Variants in B4GALNT3 observed in about 807,000 individuals in gnomAD.
The protein encoded by B4GALNT3 is beta-1,4-N-acetyl-galactosaminyltransferase 3, also known as beta-1,4-N-acetylgalactosaminyltransferase 3.
In B4GALNT3, 86 loss-of-function variants were observed where a neutral mutation model predicts 120.2. The observed-to-expected ratio is 0.72, with a 90% CI of 0.60 to 0.86. B4GALNT3 has a LOEUF of 0.86. B4GALNT3 is among the 40% of genes least tolerant of loss of function. B4GALNT3 has a pLI of 0.00. For synonymous variants in B4GALNT3, 518 were observed against 510.4 expected, an observed-to-expected ratio of 1.01 and a Z score of -0.20; for missense variants, 1,167 against 1,298.9, an observed-to-expected ratio of 0.90 and a Z score of 1.56.
chr12:516,204 G>A (rs1190508117), intron 1 of B4GALNT3, among the ~76,000 whole-genome samples: 1 of 152,196 alleles, frequency 6.6e-6, no homozygotes, highest in African/African-American at 2.4e-5. Flanking sequence ...TATGTGTGGG[G>A]AGAAGATAGA....
chr12:545,615 C>T, intron 6 of B4GALNT3, 146 bp downstream of exon 6: 1 of 799,758 alleles, frequency 1.3e-6, no homozygotes. Context: ...TCACCCCTAC[C>T]CCTCTACAAA....
intron 1 of B4GALNT3, among the ~76,000 whole-genome samples, chr12:506,107 ATT>A (rs11302946): frequency 2.4e-4 from 36 of 150,380 alleles, no homozygotes; most frequent in African/African-American, 4.6e-4. Flanking sequence ...TGCAGTTCAG[ATT>A]TTTTTTTTTT....
intron 1 of B4GALNT3, among the ~76,000 whole-genome samples, chr12:515,370 T>C (rs996850023): frequency 1.3e-5 from 2 of 151,870 alleles, no homozygotes; most frequent in Non-Finnish European, 2.9e-5. Context: ...ATTTTTTTTT[T>C]CGTATTTTAG....
At chr12:519,926 A>T (rs186979421) in intron 1 of B4GALNT3, among the ~76,000 whole-genome samples, 5 of 152,240 alleles carry the variant, frequency 3.3e-5, no homozygotes, top group African/African-American at 9.6e-5. Context: ...AGTCCCTTTC[A>T]TATTCTCAGC....
chr12:516,147 A>G (rs1159902706), intron 1 of B4GALNT3, among the ~76,000 whole-genome samples: 1 of 147,784 alleles, frequency 6.8e-6, no homozygotes, highest in African/African-American at 2.5e-5. Context: ...CTCCGTCTCA[A>G]AAAAAAAAAA....
intron 3 of B4GALNT3, among the ~76,000 whole-genome samples, chr12:540,027 G>GCCC (rs1946898721): frequency 1.3e-5 from 2 of 152,238 alleles, no homozygotes; most frequent in Admixed American, 6.5e-5. Context: ...TCCGGGGGAG[G>GCCC]CCCCACTGCC....
At chr12:504,388 T>C (rs758840041) in intron 1 of B4GALNT3, among the ~76,000 whole-genome samples, 5 of 150,336 alleles carry the variant, frequency 3.3e-5, no homozygotes, top group Non-Finnish European at 7.4e-5. Flanking sequence ...ACTAGTCCTC[T>C]CACCTCTATA....
intron 1 of B4GALNT3, among the ~76,000 whole-genome samples, chr12:461,440 G>A (rs967289597): frequency 6.6e-6 from 1 of 152,180 alleles, no homozygotes; most frequent in East Asian, 1.9e-4. Context: ...CTGTGGATGG[G>A]CCTAACAAAG....
intron 1 of B4GALNT3, among the ~76,000 whole-genome samples, chr12:495,370 TC>T (rs1946378606): frequency 6.6e-6 from 1 of 152,178 alleles, no homozygotes; most frequent in Admixed American, 6.6e-5. Context: ...TCGTTCTTTT[TC>T]CCCTTAGTCC....
intron 7 of B4GALNT3, 128 bp downstream of exon 7, chr12:546,841 C>A: frequency 2.3e-6 from 2 of 864,944 alleles, no homozygotes; most frequent in Non-Finnish European, 3.6e-6. Flanking sequence ...ACGCTCCCGG[C>A]AACCGGGTCT....
At chr12:492,449 CTCATGAAAGAAA>C (rs1364023128) in intron 1 of B4GALNT3, among the ~76,000 whole-genome samples, 1 of 152,176 alleles carries the variant, frequency 6.6e-6, no homozygotes, top group East Asian at 1.9e-4. Flanking sequence ...CTACAAAACT[CTCATGAAAGAAA>C]TCAAAGAACT....
chr12:491,507 T>C (rs1946339415), intron 1 of B4GALNT3, among the ~76,000 whole-genome samples: 1 of 151,888 alleles, frequency 6.6e-6, no homozygotes, highest in South Asian at 2.1e-4. Flanking sequence ...TTTTTGTATT[T>C]TTGTAGAGAC....
chr12:553,557 G>GGGGGCC lies in B4GALNT3; in HGVS notation c.1635_1640dup (p.Gly546_Pro547dup). 4 of 1,613,962 alleles carry GGGGGCC rather than the reference G, an allele frequency of 2.5e-6. No homozygotes were observed. Among genetic ancestry groups the GGGGGCC allele is most frequent in the Non-Finnish European group, 3.4e-6 (4 of 1,179,920 alleles). On this transcript the variant is annotated inframe_insertion, in exon 14 of 20. Coordinates refer to ENST00000266383, the MANE Select transcript of B4GALNT3 (RefSeq NM_173593.4). ...CCTGTGAAGAACCTGCCTCAGATGA[G>GGGGGCC]GGGGCCCAGGCCCAGGCCCGCTGGT...
chr12:559,026 G>A (rs1947192972), intron 18 of B4GALNT3, among the ~76,000 whole-genome samples: 1 of 152,128 alleles, frequency 6.6e-6, no homozygotes, highest in Middle Eastern at 3.4e-3. Context: ...ACACAGCTGT[G>A]TCTTCTGTGG....
intron 1 of B4GALNT3, among the ~76,000 whole-genome samples, chr12:494,881 G>A (rs1056944668): frequency 2.0e-5 from 3 of 152,086 alleles, no homozygotes; most frequent in Non-Finnish European, 2.9e-5. Context: ...AGCATTGTCC[G>A]GATTTAGTCT....
In B4GALNT3 at chr12:557,663, C is replaced by T. The variant is rs199801345; in HGVS notation, c.2436C>T (p.Phe812=). ...QQFIKDMENL[F]QVTGDPHFNI... ...TCATCAAAGACATGGAAAACCTGTT[C>T]CAGGTCACCGGTGACCCACACTTCA... The change falls in exon 16 of 20, where the codon TTC becomes TTT. Residue 812 remains phenylalanine (F), a synonymous_variant. Transcript: ENST00000266383. The T allele has an allele frequency of 1.9e-6, 3 of 1,611,142 alleles. No homozygotes were observed. Among genetic ancestry groups the T allele is most frequent in the South Asian group, 2.2e-5 (2 of 90,700 alleles).
intron 14 of B4GALNT3, 68 bp from the exon 15 acceptor site, chr12:556,479 C>T: frequency 6.8e-7 from 1 of 1,460,022 alleles, no homozygotes; most frequent in Non-Finnish European, 9.4e-7. Flanking sequence ...TTGCAGGCTT[C>T]TCACACACCG....
Position 546,674 on chromosome 12 carries a change from A to G in B4GALNT3, c.668A>G (p.Glu223Gly). 2 of 1,551,022 alleles carry G rather than the reference A, an allele frequency of 1.3e-6. No homozygotes were observed. Among genetic ancestry groups the G allele is most frequent in the Non-Finnish European group, 1.7e-6 (2 of 1,146,838 alleles). The part of the protein sequence containing the change: ...KTGKEWTAPG[E>G]FGKFRSQISK... ...GGAAAGGAGTGGACCGCCCCGGGAGAGTTTGGGAAATTTCGGAGCCAAATT... is the reference window on the plus strand; with the variant it reads ...GGAAAGGAGTGGACCGCCCCGGGAGGGTTTGGGAAATTTCGGAGCCAAATT... Residue 223 changes from glutamate (E) to glycine (G), a missense_variant, in exon 7 of 20, where the codon GAG becomes GGG. Glu to Gly is a moderately conservative substitution (Grantham distance 98). Coordinates refer to ENST00000266383, the MANE Select transcript of B4GALNT3 (RefSeq NM_173593.4).
intron 1 of B4GALNT3, among the ~76,000 whole-genome samples, chr12:533,195 A>G (rs912683803): frequency 6.6e-6 from 1 of 152,204 alleles, no homozygotes. Flanking sequence ...GCTTTAGATC[A>G]TGTGTTTGGG....
Sources: gnomAD v4.1 joint callset for allele counts (sites outside exome capture counted in the v4.1 genomes callset) on GRCh38, gnomAD v4.1.1 for gene constraint, MANE v1.5 for transcripts, NCBI Gene and HGNC (gene_info 2026-07-23, HGNC 2026-07-21) for gene names.